The following PAK3 variants were observed in gnomAD, a reference collection of about 807,000 sequenced individuals.
PAK3 encodes the protein serine/threonine-protein kinase PAK 3.
In PAK3, 4 loss-of-function variants were observed where a neutral mutation model predicts 41.0. That is an observed-to-expected ratio of 0.10 (90% CI 0.05 to 0.22). The LOEUF is 0.22. PAK3 is among the 10% of genes least tolerant of loss of function. The pLI is 1.00. For missense variants in PAK3, 205 were observed against 409.9 expected, an observed-to-expected ratio of 0.50 and a Z score of 4.32; for synonymous variants, 146 against 139.6, an observed-to-expected ratio of 1.05 and a Z score of -0.32.
intron 10 of PAK3, among the ~76,000 whole-genome samples, chrX:111,165,396 C>A (rs1483622004): frequency 8.9e-6 from 1 of 111,770 alleles, no homozygotes; most frequent in Admixed American, 9.5e-5. Context: ...GCAGCTGATT[C>A]TAATATCCTC....
intron 7 of PAK3, among the ~76,000 whole-genome samples, chrX:111,148,915 C>T (rs2093988539): frequency 9.0e-6 from 1 of 111,278 alleles, no homozygotes; most frequent in Non-Finnish European, 1.9e-5. Flanking sequence ...AGTCTTAACT[C>T]ATTTCAGCAG....
Position 111,042,765 on chromosome X carries a change from A to T in PAK3, c.-27-80312A>T, listed in dbSNP as rs2092463944. ...CCTTGCCTTTGCCCAGGCTCTGCCC[A>T]TGCCTCTGCCTGTGCCTACATCTAC... On this transcript the variant is annotated intron_variant, in intron 1 of 14. Coordinates refer to the PAK3 transcript ENST00000425146. 5.3e-5 allele frequency among the ~76,000 whole-genome samples: 6 copies of T among 112,329 alleles called. No individual in the cohort carries two copies. The Admixed American group carries it at 5.6e-4, about 11-fold the overall frequency.
chrX:111,162,583 A>G (rs2094204052), intron 8 of PAK3, among the ~76,000 whole-genome samples: 1 of 112,260 alleles, frequency 8.9e-6, no homozygotes, highest in African/African-American at 3.2e-5. Context: ...AAGAGCAATT[A>G]GTTTGATTTT....
intron 1 of PAK3, among the ~76,000 whole-genome samples, chrX:110,949,793 TC>T (rs2090703272): frequency 9.0e-6 from 1 of 111,424 alleles, no homozygotes; most frequent in Non-Finnish European, 1.9e-5. Context: ...GCTAACCATG[TC>T]CCCTTCCTTC....
At chrX:111,115,691 C>T (rs894822663) in intron 4 of PAK3, among the ~76,000 whole-genome samples, 4 of 112,250 alleles carry the variant, frequency 3.6e-5, no homozygotes, top group Admixed American at 9.4e-5. Flanking sequence ...CTGCATTTTA[C>T]ACCAGTTCAA....
At chrX:111,157,158 G>T (rs2094116874) in intron 8 of PAK3, among the ~76,000 whole-genome samples, 1 of 111,116 alleles carries the variant, frequency 9.0e-6, no homozygotes, top group African/African-American at 3.3e-5. Context: ...AGATTCCAGG[G>T]CTCCACTCCC....
At chrX:111,005,700 AC>A in intron 1 of PAK3, among the ~76,000 whole-genome samples, 2 of 111,869 alleles carry the variant, frequency 1.8e-5, no homozygotes, top group Middle Eastern at 4.6e-3. Context: ...TTCTTTTCCC[AC>A]CATCTGCCCT....
At chrX:111,059,121 CT>C (rs386417402) in intron 1 of PAK3, among the ~76,000 whole-genome samples, 26 of 61,005 alleles carry the variant, frequency 4.3e-4, no homozygotes, top group African/African-American at 1.5e-3. Flanking sequence ...TCAACTTTTC[CT>C]TTTTTTTTTT....
At chrX:111,181,344 A>G (rs2094459488) in intron 11 of PAK3, among the ~76,000 whole-genome samples, 1 of 111,535 alleles carries the variant, frequency 9.0e-6, no homozygotes, top group Non-Finnish European at 1.9e-5. Context: ...GTAGATATAT[A>G]TCTGGGCAAA....
chrX:111,059,628 G>GT (rs199808181), intron 1 of PAK3, among the ~76,000 whole-genome samples: 6,906 of 110,244 alleles, frequency 0.063, 325 homozygotes, highest in African/African-American at 0.16. Flanking sequence ...ACGTTTTATT[G>GT]TTTTTTTTGT....
At chrX:111,061,990 A>T (rs1453763447) in intron 1 of PAK3, among the ~76,000 whole-genome samples, 4 of 109,550 alleles carry the variant, frequency 3.7e-5, no homozygotes, top group East Asian at 2.9e-4. Context: ...AATTTTTTAA[A>T]TTTTTTTTGT....
chrX:111,084,632 A>AT (rs199635128), intron 1 of PAK3, among the ~76,000 whole-genome samples: 4 of 110,885 alleles, frequency 3.6e-5, no homozygotes, highest in South Asian at 3.8e-4. Context: ...GATGACACCC[A>AT]TTTTTTTTCT....
In PAK3 at chrX:111,224,463, A is replaced by G. The variant is rs752231824; in HGVS notation, c.*4016A>G. The G allele has an allele frequency of 5.3e-5, 6 of 112,368 alleles. No homozygotes were observed. Among genetic ancestry groups the G allele is most frequent in the African/African-American group, 1.6e-4 (5 of 30,961 alleles). 9.3% of individuals were successfully genotyped at this position (112,368 alleles called of 1,213,427 possible). A position where few individuals can be genotyped will look rare whatever the true frequency, so the allele number is the denominator to read the frequency against. On this transcript the variant is annotated 3_prime_UTR_variant, in exon 18 of 18. Coordinates refer to ENST00000372007, the MANE Select transcript of PAK3 (RefSeq NM_002578.5). ...TTCTTGTCCAACAGGATATTACTGT[A>G]TATCATTCAGGTAGGATTCTTCTTT...
intron 1 of PAK3, among the ~76,000 whole-genome samples, chrX:111,048,684 C>T (rs936693012): frequency 2.7e-5 from 3 of 111,878 alleles, no homozygotes; most frequent in African/African-American, 9.7e-5. Flanking sequence ...TATTGGCTCC[C>T]CCTCAAAAAC....
chrX:111,196,339 G>A, intron 15 of PAK3, 105 bp from the exon 16 acceptor site: 2 of 639,904 alleles, frequency 3.1e-6, no homozygotes, highest in Non-Finnish European at 5.2e-6. Flanking sequence ...AGGCAGTTGT[G>A]GAAACTCAGT....
chrX:111,061,755 A>G (rs1168350846), intron 1 of PAK3, among the ~76,000 whole-genome samples: 1 of 110,245 alleles, frequency 9.1e-6, no homozygotes, highest in African/African-American at 3.3e-5. Flanking sequence ...ACATTTTCCA[A>G]TTGGTTATTA....
At chrX:111,186,410 A>C (rs1312661746) in intron 11 of PAK3, among the ~76,000 whole-genome samples, 1 of 111,602 alleles carries the variant, frequency 9.0e-6, no homozygotes, top group Non-Finnish European at 1.9e-5. Context: ...CTCAGCCCAA[A>C]ATCTCCTTAA....
intron 5 of PAK3, among the ~76,000 whole-genome samples, chrX:111,126,612 G>A (rs1339652512): frequency 9.0e-6 from 1 of 111,226 alleles, no homozygotes; most frequent in Admixed American, 9.6e-5. Context: ...TTCATCACCT[G>A]TTAAGTGAGG....
At chrX:110,951,445 G>C (rs184071924) in intron 1 of PAK3, among the ~76,000 whole-genome samples, 222 of 111,853 alleles carry the variant, frequency 2.0e-3, no homozygotes, top group Non-Finnish European at 3.2e-3. Context: ...AAATTCCTAG[G>C]ATTAGATTTG....
Sources: gnomAD v4.1 joint callset for allele counts (sites outside exome capture counted in the v4.1 genomes callset) on GRCh38, gnomAD v4.1.1 for gene constraint, MANE v1.5 for transcripts, NCBI Gene and HGNC (gene_info 2026-07-23, HGNC 2026-07-21) for gene names.